SEPTIN6: variants seen among roughly 807,000 people sequenced by gnomAD.
The protein encoded by SEPTIN6 is septin 6.
Under a neutral mutation model 33.6 loss-of-function variants are expected in SEPTIN6, and 8 were observed. The ratio of observed to expected loss-of-function variants is 0.24; its 90% confidence interval spans 0.14 to 0.43. The LOEUF (loss-of-function observed/expected upper bound fraction) is 0.43, where lower values mean the gene tolerates loss of function less well. Ranked by LOEUF, SEPTIN6 falls within the 20% of genes least tolerant of loss-of-function variation. SEPTIN6 has a pLI of 1.00. For synonymous variants in SEPTIN6, 131 were observed against 140.0 expected (o/e 0.94, Z 0.45); for missense variants, 250 against 340.8 (o/e 0.73, Z 2.10).
chrX:119,640,576 C>T (rs2054143106), intron 6 of SEPTIN6, 116 bp downstream of exon 6: 3 of 573,152 alleles, frequency 5.2e-6, no homozygotes, highest in Non-Finnish European at 5.7e-6. Context: ...GGGACCCATG[C>T]CGAATGAGCA....
chrX:119,680,122 A>G (rs2054924971), intron 1 of SEPTIN6, among the ~76,000 whole-genome samples: 1 of 111,659 alleles, frequency 9.0e-6, no homozygotes, highest in African/African-American at 3.3e-5. Flanking sequence ...GAAATTTTAG[A>G]ACATACAGAT....
intron 3 of SEPTIN6, among the ~76,000 whole-genome samples, chrX:119,653,496 G>A (rs1448627264): frequency 8.9e-6 from 1 of 112,466 alleles, no homozygotes; most frequent in Non-Finnish European, 1.9e-5. Context: ...CCCTCGGGGG[G>A]CCCCAACACA....
chrX:119,660,397 C>T (rs776128512), intron 3 of SEPTIN6, among the ~76,000 whole-genome samples: 1 of 112,479 alleles, frequency 8.9e-6, no homozygotes, highest in South Asian at 3.7e-4. Flanking sequence ...AGTGCAATTT[C>T]AAGGAGGCTT....
At chrX:119,667,396 A>T (rs2054660375) in intron 2 of SEPTIN6, among the ~76,000 whole-genome samples, 1 of 111,237 alleles carries the variant, frequency 9.0e-6, no homozygotes, top group Admixed American at 9.6e-5. Context: ...ACAGCAGGAG[A>T]AATGACCACC....
At chrX:119,646,483 A>G (rs1021086897) in intron 5 of SEPTIN6, among the ~76,000 whole-genome samples, 6 of 111,741 alleles carry the variant, frequency 5.4e-5, no homozygotes, top group African/African-American at 2.0e-4. Context: ...TAACATAGCA[A>G]TTCTTAGTAT....
chrX:119,622,083 G>A (rs2053778035), intron 10 of SEPTIN6, among the ~76,000 whole-genome samples: 1 of 110,864 alleles, frequency 9.0e-6, no homozygotes, highest in African/African-American at 3.3e-5. Context: ...AGTAATAAAA[G>A]CTATACAAAT....
chrX:119,653,932 GGT>G (rs1226662979), intron 3 of SEPTIN6, among the ~76,000 whole-genome samples: 1 of 110,713 alleles, frequency 9.0e-6, no homozygotes, highest in African/African-American at 3.3e-5. Flanking sequence ...AGCCAGCTGT[GGT>G]AGCTCATGCC....
In SEPTIN6 at chrX:119,666,188, C is replaced by T. The variant is rs12688833; in HGVS notation, c.146-2511G>A. Among the ~76,000 whole-genome samples, 20 of 112,045 alleles carry T rather than the reference C, an allele frequency of 1.8e-4. 1 individual carries two copies. In the East Asian group the frequency reaches 4.5e-3, roughly 25 times the overall value. On this transcript the variant is annotated intron_variant, in intron 2 of 10. Coordinates refer to ENST00000394610, the MANE Select transcript of SEPTIN6 (RefSeq NM_145799.4). ...ACAAAGACTACTCTCCCATTTATTC[C>T]GCTATCATCATCCCTGTTTTTCCCT...
chrX:119,643,417 A>C (rs2054189919), intron 5 of SEPTIN6, among the ~76,000 whole-genome samples: 1 of 109,799 alleles, frequency 9.1e-6, no homozygotes, highest in Non-Finnish European at 1.9e-5. Flanking sequence ...ACCAAGAAGA[A>C]AACAAAGGCA....
intron 9 of SEPTIN6, among the ~76,000 whole-genome samples, chrX:119,628,086 G>A (rs1306185013): frequency 2.8e-5 from 3 of 107,104 alleles, no homozygotes; most frequent in Admixed American, 1.0e-4. Flanking sequence ...ACCACGCCCG[G>A]CCCGTAGCTG....
At chrX:119,637,865 G>T (rs1247697849) in intron 6 of SEPTIN6, among the ~76,000 whole-genome samples, 1 of 112,463 alleles carries the variant, frequency 8.9e-6, no homozygotes, top group Non-Finnish European at 1.9e-5. Context: ...GGATAGCCAA[G>T]TTGCAATAAA....
At chrX:119,642,118 C>G (rs999470102) in intron 5 of SEPTIN6, among the ~76,000 whole-genome samples, 2 of 99,930 alleles carry the variant, frequency 2.0e-5, no homozygotes, top group Admixed American at 1.1e-4. Flanking sequence ...GTGGAGGTTG[C>G]AGTGAGCCGA....
chrX:119,677,789 C>CGACAG (rs1271551878), intron 1 of SEPTIN6, among the ~76,000 whole-genome samples: 11 of 112,858 alleles, frequency 9.7e-5, no homozygotes, highest in Non-Finnish European at 2.1e-4. Flanking sequence ...TGAGGGCAAG[C>CGACAG]GACAGGGCTA....
chrX:119,630,357 T>A (rs2053937939), intron 8 of SEPTIN6, among the ~76,000 whole-genome samples: 1 of 111,589 alleles, frequency 9.0e-6, no homozygotes, highest in Non-Finnish European at 1.9e-5. Flanking sequence ...CTGTCTTTTC[T>A]TAACCCCTGC....
At chrX:119,640,456 C>T (rs1478405914) in intron 6 of SEPTIN6, among the ~76,000 whole-genome samples, 2 of 110,768 alleles carry the variant, frequency 1.8e-5, no homozygotes, top group African/African-American at 6.6e-5. Context: ...CTTGCAAGTC[C>T]TTGTGTTTTA....
chrX:119,647,664 C>T (rs925764313), intron 5 of SEPTIN6, among the ~76,000 whole-genome samples: 4 of 107,941 alleles, frequency 3.7e-5, no homozygotes, highest in Admixed American at 1.0e-4. Flanking sequence ...TTAATTTTTT[C>T]TTTTTTGAGA....
At chrX:119,624,027 C>A (rs772534126) in intron 10 of SEPTIN6, 7 of 333,981 alleles carry the variant, frequency 2.1e-5, no homozygotes, top group South Asian at 2.0e-4. Context: ...ACTCAGGAAT[C>A]CTTACCTGCT....
Position 119,617,801 on chromosome X carries a change from G to T in SEPTIN6, c.*2292C>A. 1.3e-6 allele frequency: 1 copy of T among 792,024 alleles called. No homozygotes were observed. The highest frequency in any genetic ancestry group is 1.5e-6 in the Non-Finnish European group (1 of 658,356). The allele number at this position is 792,024 out of a possible 1,213,427, so 65.3% of individuals were successfully genotyped here. ...TCATTTCCCCTTACGGAGTAAGTAG[G>T]TTATATCGTCTTACTGACTAAAATG... On this transcript the variant is annotated 3_prime_UTR_variant, in exon 11 of 11. Transcript: ENST00000394610.
intron 1 of SEPTIN6, among the ~76,000 whole-genome samples, chrX:119,681,517 A>G (rs1024157863): frequency 9.0e-6 from 1 of 111,289 alleles, no homozygotes; most frequent in Non-Finnish European, 1.9e-5. Flanking sequence ...GAATCTGTAC[A>G]AAGATCTATT....
Sources: gnomAD v4.1 joint callset for allele counts (sites outside exome capture counted in the v4.1 genomes callset) on GRCh38, gnomAD v4.1.1 for gene constraint, MANE v1.5 for transcripts, NCBI Gene and HGNC (gene_info 2026-07-23, HGNC 2026-07-21) for gene names.